The following ARHGAP10 variants were observed in gnomAD, a reference collection of about 807,000 sequenced individuals.
The protein encoded by ARHGAP10 is Rho GTPase activating protein 10.
Under a neutral mutation model 108.6 loss-of-function variants are expected in ARHGAP10, and 87 were observed. The observed-to-expected ratio is 0.80, with a 90% confidence interval of 0.67 to 0.96. The LOEUF (loss-of-function observed/expected upper bound fraction) is 0.96, where lower values mean the gene tolerates loss of function less well. Ranked by LOEUF, ARHGAP10 falls within the 40% of genes least tolerant of loss-of-function variation. The pLI is 0.00. For synonymous variants in ARHGAP10, 347 were observed against 341.1 expected, an observed-to-expected ratio of 1.02 and a Z score of -0.19; for missense variants, 939 against 954.5, an observed-to-expected ratio of 0.98 and a Z score of 0.21.
intron 17 of ARHGAP10, among the ~76,000 whole-genome samples, chr4:147,966,060 A>G (rs58694083): frequency 6.6e-6 from 1 of 152,200 alleles, no homozygotes. Flanking sequence ...GCACAGTGAT[A>G]CTGGGCTGAA....
chr4:147,789,999 T>G (rs1731055629), intron 1 of ARHGAP10, among the ~76,000 whole-genome samples: 2 of 143,694 alleles, frequency 1.4e-5, no homozygotes, highest in Non-Finnish European at 3.0e-5. Context: ...GGATTTTTTT[T>G]TTTTTTTTTT....
intron 1 of ARHGAP10, among the ~76,000 whole-genome samples, chr4:147,795,002 A>G (rs932122626): frequency 1.3e-5 from 2 of 152,172 alleles, no homozygotes. Flanking sequence ...AGTCAGTTCC[A>G]TATAGTGTGG....
intron 18 of ARHGAP10, among the ~76,000 whole-genome samples, chr4:148,021,448 C>G (rs1741564099): frequency 6.6e-6 from 1 of 152,236 alleles, no homozygotes; most frequent in Non-Finnish European, 1.5e-5. Flanking sequence ...TTTGGATATA[C>G]TGGCTGTGTG....
At chr4:147,907,272 G>C (rs532027573) in intron 11 of ARHGAP10, among the ~76,000 whole-genome samples, 9 of 152,176 alleles carry the variant, frequency 5.9e-5, no homozygotes, top group Non-Finnish European at 1.3e-4. Flanking sequence ...GATTCAGTCT[G>C]TTGGCCACTA....
chr4:147,838,075 C>T (rs927630634), intron 3 of ARHGAP10, among the ~76,000 whole-genome samples: 1 of 151,988 alleles, frequency 6.6e-6, no homozygotes, highest in Non-Finnish European at 1.5e-5. Context: ...ATTTTAGAAA[C>T]ATTTTCTGCA....
chr4:147,963,020 C>A (rs1376762995), intron 16 of ARHGAP10, among the ~76,000 whole-genome samples: 1 of 152,096 alleles, frequency 6.6e-6, no homozygotes, highest in East Asian at 1.9e-4. Context: ...CTAATTAGTT[C>A]TTTTTCCTAT....
Position 147,965,036 on chromosome 4 carries a change from C to A in ARHGAP10, c.1463C>A (p.Pro488Gln). 1 of 1,570,286 alleles carries A rather than the reference C, an allele frequency of 6.4e-7. No individual in the cohort carries two copies. The highest frequency in any genetic ancestry group is 8.6e-7 in the Non-Finnish European group (1 of 1,161,498). Residue 488 changes from proline to glutamine, a missense_variant, in exon 17 of 23, where the codon CCA becomes CAA. Physicochemically the swap from Pro to Gln is moderately conservative, Grantham distance 76. Transcript: ENST00000336498. Reference protein sequence around the residue: ...DFIVPAKSGSPESRVNAIHFL... With the variant: ...DFIVPAKSGSQESRVNAIHFL... ...TTTTTTTTGGAAGAAAGCGGCAGCC[C>A]AGAATCTCGTGTTAATGCGATCCAT...
At chr4:147,733,569 T>C (rs773969376) in intron 1 of ARHGAP10, among the ~76,000 whole-genome samples, 4 of 152,218 alleles carry the variant, frequency 2.6e-5, no homozygotes, top group Non-Finnish European at 5.9e-5. Context: ...TACATTTGTT[T>C]GTAGATACCA....
intron 1 of ARHGAP10, among the ~76,000 whole-genome samples, chr4:147,747,488 C>A (rs988186000): frequency 2.0e-5 from 3 of 152,156 alleles, no homozygotes; most frequent in African/African-American, 7.2e-5. Context: ...GCAGATAGCC[C>A]TTGTCTTCCC....
intron 11 of ARHGAP10, among the ~76,000 whole-genome samples, chr4:147,907,106 G>T (rs1736527843): frequency 6.6e-6 from 1 of 152,134 alleles, no homozygotes; most frequent in Non-Finnish European, 1.5e-5. Context: ...AATATTATAG[G>T]TGACTGCTGT....
At chr4:147,751,370 T>G (rs917984457) in intron 1 of ARHGAP10, among the ~76,000 whole-genome samples, 1 of 149,428 alleles carries the variant, frequency 6.7e-6, no homozygotes, top group Non-Finnish European at 1.5e-5. Context: ...TAGTTGTTGT[T>G]TTTTTTTTTT....
intron 1 of ARHGAP10, among the ~76,000 whole-genome samples, chr4:147,750,194 T>C (rs992640731): frequency 6.6e-6 from 1 of 152,206 alleles, no homozygotes; most frequent in African/African-American, 2.4e-5. Context: ...GTTTAATGTA[T>C]GCAGTGAGAA....
intron 20 of ARHGAP10, among the ~76,000 whole-genome samples, chr4:148,048,246 T>A (rs1452481965): frequency 1.3e-5 from 2 of 152,248 alleles, no homozygotes; most frequent in Non-Finnish European, 2.9e-5. Context: ...AAAGTGTTCC[T>A]CAGATTACGT....
chr4:147,757,755 G>T (rs1729439727), intron 1 of ARHGAP10, among the ~76,000 whole-genome samples: 1 of 152,192 alleles, frequency 6.6e-6, no homozygotes, highest in Non-Finnish European at 1.5e-5. Flanking sequence ...AGAGAATCTG[G>T]TTGGCCCAGC....
chr4:147,985,578 G>GT (rs1740011473), intron 18 of ARHGAP10, among the ~76,000 whole-genome samples: 1 of 152,204 alleles, frequency 6.6e-6, no homozygotes, highest in Non-Finnish European at 1.5e-5. Flanking sequence ...TTGTTGCTCA[G>GT]TTTTGGCTGT....
chr4:147,937,467 A>C (rs1007779230), intron 13 of ARHGAP10, among the ~76,000 whole-genome samples: 3 of 152,172 alleles, frequency 2.0e-5, no homozygotes, highest in Non-Finnish European at 2.9e-5. Context: ...ATTTGTGGGG[A>C]TACAATTCAG....
chr4:147,746,506 T>C (rs1728930805), intron 1 of ARHGAP10, among the ~76,000 whole-genome samples: 1 of 151,556 alleles, frequency 6.6e-6, no homozygotes, highest in South Asian at 2.1e-4. Flanking sequence ...GTTCAAGTGA[T>C]TCTCCTGTCT....
intron 1 of ARHGAP10, 150 bp downstream of exon 1, chr4:147,732,605 C>G (rs1332887641): frequency 1.8e-6 from 2 of 1,117,904 alleles, no homozygotes; most frequent in Non-Finnish European, 2.5e-6. Flanking sequence ...TCTCGGAACC[C>G]CGGGGGGTCC....
At position 148,023,157 on chromosome 4, in the gene ARHGAP10, G is replaced by C. The variant is rs968359420; in HGVS notation, c.1717-106G>C. 7 of 1,383,548 alleles carry C rather than the reference G, an allele frequency of 5.1e-6. No individual in the cohort carries two copies. The African/African-American group carries it at 7.1e-5, about 14-fold the overall frequency. The allele number at this position is 1,383,548 out of a possible 1,614,324, so 85.7% of individuals were successfully genotyped here. On this transcript the variant is annotated intron_variant, in intron 18 of 22. Coordinates refer to ENST00000336498, the MANE Select transcript of ARHGAP10 (RefSeq NM_024605.4). Reference sequence around the variant, plus strand: ...AGGAATGGATTTTGGGCTCTAGCCTGTCTTGAATGAACTCCAAATCAAATG... The same window carrying C: ...AGGAATGGATTTTGGGCTCTAGCCTCTCTTGAATGAACTCCAAATCAAATG...
Sources: gnomAD v4.1 joint callset for allele counts (sites outside exome capture counted in the v4.1 genomes callset) on GRCh38, gnomAD v4.1.1 for gene constraint, MANE v1.5 for transcripts, NCBI Gene and HGNC (gene_info 2026-07-23, HGNC 2026-07-21) for gene names.